Variants in ERBB4 observed in about 807,000 individuals in gnomAD.
ERBB4 encodes the protein receptor tyrosine-protein kinase erbB-4.
ERBB4 carries 42 observed loss-of-function variants against 158.0 expected under a neutral mutation model. The ratio of observed to expected loss-of-function variants is 0.27; its 90% CI spans 0.21 to 0.34. The LOEUF is 0.34. Ranked by LOEUF, ERBB4 falls within the 10% of genes least tolerant of loss-of-function variation. The pLI, the probability that ERBB4 is intolerant of heterozygous loss-of-function variation, is 1.00. For missense variants in ERBB4, 1,333 were observed against 1,624.1 expected (o/e 0.82, Z 3.08); for synonymous variants, 583 against 558.7 (o/e 1.04, Z -0.61).
chr2:211,539,579 A>G (rs2066743951), intron 20 of ERBB4, among the ~76,000 whole-genome samples: 2 of 151,928 alleles, frequency 1.3e-5, no homozygotes, highest in South Asian at 4.1e-4. Context: ...ACACACCTTA[A>G]AGCTTTATGG....
chr2:211,383,547 A>C lies in ERBB4; in HGVS notation c.*68T>G. ...GCCTTGGGGTAGAAGGAAGACCACC[A>C]GAGAAAGAGAGGGGGGTGGGGAAAT... is the stretch of plus-strand genomic sequence containing the variant. On this transcript the variant is annotated 3_prime_UTR_variant, in exon 28 of 28. Coordinates refer to ENST00000342788, the MANE Select transcript of ERBB4 (RefSeq NM_005235.3). 1 of 1,330,622 alleles carries C rather than the reference A, an allele frequency of 7.5e-7. No individual in the cohort carries two copies. The highest frequency in any genetic ancestry group is 1.1e-6 in the Non-Finnish European group (1 of 925,368). The allele number at this position is 1,330,622 out of a possible 1,614,324, so 82.4% of individuals were successfully genotyped here.
intron 2 of ERBB4, among the ~76,000 whole-genome samples, chr2:212,073,200 TA>T (rs2078176566): frequency 6.6e-6 from 1 of 151,942 alleles, no homozygotes; most frequent in Non-Finnish European, 1.5e-5. Context: ...GAAGAAATTG[TA>T]GATCACGTTC....
intron 2 of ERBB4, among the ~76,000 whole-genome samples, chr2:212,083,177 G>C (rs1157746485): frequency 6.6e-6 from 1 of 151,872 alleles, no homozygotes; most frequent in Non-Finnish European, 1.5e-5. Context: ...TGCTTTTTTT[G>C]ATAGAATTAC....
intron 1 of ERBB4, among the ~76,000 whole-genome samples, chr2:212,346,029 A>G (rs1256985990): frequency 6.6e-6 from 1 of 152,222 alleles, no homozygotes; most frequent in South Asian, 2.1e-4. Flanking sequence ...TCCATGTACT[A>G]GAAAGCTTAT....
intron 19 of ERBB4, among the ~76,000 whole-genome samples, chr2:211,589,707 A>T (rs1199453353): frequency 6.6e-6 from 1 of 152,198 alleles, no homozygotes; most frequent in Non-Finnish European, 1.5e-5. Flanking sequence ...AATTTGAAAA[A>T]TCTATTTAGA....
intron 1 of ERBB4, among the ~76,000 whole-genome samples, chr2:212,491,352 A>G (rs1690266163): frequency 6.6e-6 from 1 of 151,716 alleles, no homozygotes; most frequent in South Asian, 2.1e-4. Context: ...AATCAAAGTT[A>G]GGGTCAACAC....
intron 4 of ERBB4, among the ~76,000 whole-genome samples, chr2:211,787,761 T>C (rs1168253897): frequency 1.3e-5 from 2 of 152,218 alleles, no homozygotes; most frequent in Non-Finnish European, 2.9e-5. Flanking sequence ...CATTTGTACA[T>C]TGGAAGTATG....
chr2:211,848,358 G>A (rs1468540798), intron 3 of ERBB4, among the ~76,000 whole-genome samples: 1 of 152,058 alleles, frequency 6.6e-6, no homozygotes, highest in Non-Finnish European at 1.5e-5. Flanking sequence ...AATATGGTGT[G>A]ATAAGACTTC....
intron 3 of ERBB4, among the ~76,000 whole-genome samples, chr2:211,795,120 A>G (rs933571578): frequency 7.9e-5 from 12 of 151,866 alleles, no homozygotes; most frequent in African/African-American, 2.9e-4. Flanking sequence ...AAGTCATAAT[A>G]TATGCTATAT....
At chr2:211,517,824 G>A (rs1450250063) in intron 20 of ERBB4, among the ~76,000 whole-genome samples, 5 of 152,102 alleles carry the variant, frequency 3.3e-5, no homozygotes, top group African/African-American at 4.8e-5. Flanking sequence ...ACACAAAATA[G>A]AGGAGGTAGA....
chr2:212,041,135 CA>C (rs544351931), intron 2 of ERBB4, among the ~76,000 whole-genome samples: 2 of 151,184 alleles, frequency 1.3e-5, no homozygotes, highest in Non-Finnish European at 1.5e-5. Flanking sequence ...TAACAAAAAA[CA>C]AAAAAAACAA....
intron 1 of ERBB4, among the ~76,000 whole-genome samples, chr2:212,483,194 C>A (rs952879293): frequency 3.3e-5 from 5 of 152,182 alleles, no homozygotes; most frequent in Non-Finnish European, 7.3e-5. Flanking sequence ...TCCCTGTCTT[C>A]CTGTGAAATT....
chr2:211,950,363 G>T (rs998545068), intron 2 of ERBB4, among the ~76,000 whole-genome samples: 2 of 152,122 alleles, frequency 1.3e-5, no homozygotes, highest in Admixed American at 6.6e-5. Context: ...ATAGAAGTGG[G>T]TGGAAGAGAG....
At chr2:211,582,343 CA>C (rs1466240010) in intron 19 of ERBB4, among the ~76,000 whole-genome samples, 1 of 152,098 alleles carries the variant, frequency 6.6e-6, no homozygotes, top group African/African-American at 2.4e-5. Context: ...GTTGGTCCTT[CA>C]AAGTATTATA....
At chr2:212,447,400 AT>A (rs1418167342) in intron 1 of ERBB4, among the ~76,000 whole-genome samples, 2 of 151,694 alleles carry the variant, frequency 1.3e-5, no homozygotes, top group African/African-American at 4.8e-5. Flanking sequence ...TTTTAAAAAA[AT>A]GTGACTTATT....
chr2:211,529,975 C>T (rs2066451583), intron 20 of ERBB4, among the ~76,000 whole-genome samples: 1 of 151,818 alleles, frequency 6.6e-6, no homozygotes, highest in African/African-American at 2.4e-5. Context: ...ATTCAGGATA[C>T]TGGATAAAAG....
chr2:211,904,867 G>T (rs1002174691), intron 3 of ERBB4, among the ~76,000 whole-genome samples: 2 of 151,996 alleles, frequency 1.3e-5, no homozygotes, highest in Admixed American at 6.6e-5. Context: ...ATTACGTGTG[G>T]TAAGTTTTGT....
At chr2:211,513,024 C>G (rs1371325200) in intron 20 of ERBB4, among the ~76,000 whole-genome samples, 1 of 151,734 alleles carries the variant, frequency 6.6e-6, no homozygotes, top group Non-Finnish European at 1.5e-5. Context: ...TTGAGCAGAG[C>G]TGATTGCCTA....
At chr2:211,975,339 T>C (rs979855072) in intron 2 of ERBB4, among the ~76,000 whole-genome samples, 4 of 152,194 alleles carry the variant, frequency 2.6e-5, no homozygotes, top group South Asian at 4.1e-4. Flanking sequence ...TAACCTATTC[T>C]AGTGTTGTCC....
Sources: gnomAD v4.1 joint callset for allele counts (sites outside exome capture counted in the v4.1 genomes callset) on GRCh38, gnomAD v4.1.1 for gene constraint, MANE v1.5 for transcripts, NCBI Gene and HGNC (gene_info 2026-07-23, HGNC 2026-07-21) for gene names.